The following GRIK5 variants were observed in gnomAD, a reference collection of about 807,000 sequenced individuals.
The protein encoded by GRIK5 is glutamate receptor ionotropic, kainate 5.
In GRIK5, 43 loss-of-function variants were observed where a neutral mutation model predicts 97.4. The ratio of observed to expected loss-of-function variants is 0.44; its 90% confidence interval spans 0.35 to 0.57. The LOEUF (loss-of-function observed/expected upper bound fraction) is 0.57, where lower values mean the gene tolerates loss of function less well. Ranked by LOEUF, GRIK5 falls within the 20% of genes least tolerant of loss-of-function variation. GRIK5 has a pLI of 0.01. For missense variants in GRIK5, 1,015 were observed against 1,382.0 expected, an observed-to-expected ratio of 0.73 and a Z score of 4.21; for synonymous variants, 580 against 583.5, an observed-to-expected ratio of 0.99 and a Z score of 0.09.
chr19:42,056,855 G>T (rs2076193460), intron 7 of GRIK5, 32 bp from the exon 8 acceptor site: 1 of 1,613,626 alleles, frequency 6.2e-7, no homozygotes, highest in Non-Finnish European at 8.5e-7. Flanking sequence ...GAGGCCTGGG[G>T]CTAAGCCCTA....
At chr19:42,019,987 G>GTTT (rs910672486) in intron 15 of GRIK5, among the ~76,000 whole-genome samples, 1 of 137,194 alleles carries the variant, frequency 7.3e-6, no homozygotes, top group Non-Finnish European at 1.6e-5. Context: ...TTTTTTGGGG[G>GTTT]TTTTTTTTTT....
Position 42,062,471 on chromosome 19 carries a change from A to G in GRIK5, c.508+17T>C, listed in dbSNP as rs1289389667. 3 of 1,613,456 alleles carry G rather than the reference A, an allele frequency of 1.9e-6. No individual in the cohort carries two copies. Among genetic ancestry groups the G allele is most frequent in the East Asian group, 2.2e-5 (1 of 44,870 alleles). On this transcript the variant is annotated intron_variant, in intron 5 of 19. Coordinates refer to ENST00000593562, the MANE Select transcript of GRIK5 (RefSeq NM_002088.5). This position sits in a 1 kb window ranked among gnomAD's most constrained non-coding sequence, Gnocchi z 5.3. Reference sequence around the variant, plus strand: ...TGTCTGGGGGAACAGAAAACAAAACATTCAGTTCTCCCTCACACTCAGCCT... The same window carrying G: ...TGTCTGGGGGAACAGAAAACAAAACGTTCAGTTCTCCCTCACACTCAGCCT...
Position 42,056,921 on chromosome 19 carries a change from A to G in GRIK5, c.741+4T>C. The G allele has an allele frequency of 1.3e-6, 2 of 1,593,446 alleles. No individual in the cohort carries two copies. Among genetic ancestry groups the G allele is most frequent in the Non-Finnish European group, 1.7e-6 (2 of 1,169,512 alleles). The stretch of plus-strand genomic sequence containing the variant: ...GGCAGAGATGGGCCAGAGGGCATAC[A>G]CACCATGGTGGTGAGGATGTACTTG... On this transcript the variant is annotated splice_donor_region_variant and intron_variant, in intron 7 of 19. Transcript: ENST00000593562.
rs536939493 is a variant in GRIK5, at chr19:42,062,537, G to A, written c.459C>T (p.Leu153=). 6.2e-7 allele frequency: 1 copy of A among 1,614,170 alleles called. No individual in the cohort carries two copies. Among genetic ancestry groups the A allele is most frequent in the South Asian group, 1.1e-5 (1 of 91,086 alleles). ...EDVSLAVSRI[L]KSFNYPSASL... ...TGGCCGAGGGGTAGTTGAAGGACTTGAGGATTCGGGAGACCGCCAAGCTGA... is the reference window on the plus strand; with the variant it reads ...TGGCCGAGGGGTAGTTGAAGGACTTAAGGATTCGGGAGACCGCCAAGCTGA... Residue 153 remains leucine (L), a synonymous_variant, in exon 5 of 20, where the codon CTC becomes CTT. Coordinates refer to ENST00000593562, the MANE Select transcript of GRIK5 (RefSeq NM_002088.5). The surrounding 1 kb of genome is among the most constrained non-coding windows in gnomAD (Gnocchi z 5.3).
intron 12 of GRIK5, among the ~76,000 whole-genome samples, chr19:42,041,373 G>A (rs189241828): frequency 6.8e-4 from 103 of 152,276 alleles, no homozygotes; most frequent in Non-Finnish European, 1.2e-3. Context: ...CTGCCTCTGG[G>A]CAGTTGTGCC....
At chr19:42,045,140 C>T (rs2076027720) in intron 11 of GRIK5, among the ~76,000 whole-genome samples, 1 of 152,232 alleles carries the variant, frequency 6.6e-6, no homozygotes. Context: ...CACACAATTA[C>T]TGAGCTCCAT....
Position 41,999,157 on chromosome 19 carries a change from C to T in GRIK5, c.2657G>A (p.Ser886Asn). 2 of 1,501,760 alleles carry T rather than the reference C, an allele frequency of 1.3e-6. No homozygotes were observed. Among genetic ancestry groups the T allele is most frequent in the South Asian group, 2.5e-5 (2 of 80,850 alleles). The allele number at this position is 1,501,760 out of a possible 1,614,324, so 93.0% of individuals were successfully genotyped here. The change falls in exon 20 of 20, where the codon AGC becomes AAC. Residue 886 changes from serine to asparagine, a missense_variant. Ser to Asn is a conservative substitution (Grantham distance 46). This residue lies in a region of GRIK5 where 229 missense variants were observed against 341.0 expected (regional missense o/e 0.67). Coordinates refer to ENST00000593562, the MANE Select transcript of GRIK5 (RefSeq NM_002088.5). The surrounding 1 kb of genome is among the most constrained non-coding windows in gnomAD (Gnocchi z 5.0). ...SLRAVREMRL[S>N]NGKLYSAGAG... ...GCCGGCCGAGTAGAGCTTGCCGTTG[C>T]TGAGGCGCATCTCGCGGACCGCGCG...
intron 15 of GRIK5, among the ~76,000 whole-genome samples, chr19:42,019,602 G>A (rs1224067795): frequency 6.6e-6 from 1 of 152,206 alleles, no homozygotes; most frequent in Admixed American, 6.5e-5. Context: ...TTAAGTTAAG[G>A]ATCTGGATAT....
At chr19:42,066,338 GC>G (rs1198256810) in intron 1 of GRIK5, among the ~76,000 whole-genome samples, 1 of 152,100 alleles carries the variant, frequency 6.6e-6, no homozygotes, top group Admixed American at 6.5e-5. Flanking sequence ...GGGGAGAGAG[GC>G]CTGGACATCC....
intron 15 of GRIK5, among the ~76,000 whole-genome samples, chr19:42,020,151 T>A (rs2075679958): frequency 6.6e-6 from 1 of 152,142 alleles, no homozygotes; most frequent in African/African-American, 2.4e-5. Flanking sequence ...AAAAAAGCCA[T>A]CAAGACTCGC....
At position 42,005,699 on chromosome 19, in the gene GRIK5, G is replaced by A. The variant is rs782473871; in HGVS notation, c.2263+24C>T. The A allele has an allele frequency of 4.5e-6, 7 of 1,557,178 alleles. No individual in the cohort carries two copies. In the Admixed American group the frequency reaches 5.1e-5, roughly 11 times the overall value. ...TTTTGGATGCCCACGGCCCTGCTGT[G>A]TTCCACACCGTGCTGTGCCGTACCC... On this transcript the variant is annotated intron_variant, in intron 17 of 19. Coordinates refer to ENST00000593562, the MANE Select transcript of GRIK5 (RefSeq NM_002088.5).
intron 11 of GRIK5, among the ~76,000 whole-genome samples, chr19:42,051,347 G>T (rs777283387): frequency 6.6e-6 from 1 of 152,068 alleles, no homozygotes; most frequent in Non-Finnish European, 1.5e-5. Flanking sequence ...GCGCCAGCCT[G>T]CACCCCATCA....
Position 42,022,419 on chromosome 19 carries a change from G to T in GRIK5, c.1474-65C>A. 6.5e-7 allele frequency: 1 copy of T among 1,532,654 alleles called. No homozygotes were observed. The highest frequency in any genetic ancestry group is 8.9e-7 in the Non-Finnish European group (1 of 1,122,716). The allele number at this position is 1,532,654 out of a possible 1,614,324, so 94.9% of individuals were successfully genotyped here. On this transcript the variant is annotated intron_variant, in intron 12 of 19. Coordinates refer to ENST00000593562, the MANE Select transcript of GRIK5 (RefSeq NM_002088.5). This position sits in a 1 kb window ranked among gnomAD's most constrained non-coding sequence, Gnocchi z 4.2. ...AGGGGAAGACAGAAGTGGACAGTTA[G>T]AGAGAAATGCACGGAGAGTGAGCAA... is the stretch of plus-strand genomic sequence containing the variant.
intron 5 of GRIK5, among the ~76,000 whole-genome samples, chr19:42,059,840 T>C (rs930246777): frequency 1.3e-5 from 2 of 152,230 alleles, no homozygotes; most frequent in Admixed American, 6.5e-5. Context: ...TTCCCCATGT[T>C]GGTGAACAGC....
At chr19:42,047,364 A>AC (rs1157466768) in intron 11 of GRIK5, among the ~76,000 whole-genome samples, 2 of 151,852 alleles carry the variant, frequency 1.3e-5, no homozygotes, top group African/African-American at 2.4e-5. Flanking sequence ...ACATAGGAAG[A>AC]CCCCGTCTCA....
At chr19:42,024,783 G>A (rs1225526145) in intron 12 of GRIK5, among the ~76,000 whole-genome samples, 1 of 152,180 alleles carries the variant, frequency 6.6e-6, no homozygotes, top group East Asian at 1.9e-4. Flanking sequence ...TACGCCTGAG[G>A]CGCCTGTCCA....
chr19:42,060,849 C>T lies in GRIK5; in HGVS notation c.509-1322G>A, dbSNP rs1490326514. Among the ~76,000 whole-genome samples the T allele has an allele frequency of 2.6e-5, 4 of 152,086 alleles. No homozygotes were observed. In the South Asian group the frequency reaches 6.2e-4, roughly 24 times the overall value. ...CCATTTCATTTAAAGTTGCACCCCACGCCCATACCATTCTTCATAAGTCAT... is the reference window on the plus strand; with the variant it reads ...CCATTTCATTTAAAGTTGCACCCCATGCCCATACCATTCTTCATAAGTCAT... On this transcript the variant is annotated intron_variant, in intron 5 of 19. Transcript: ENST00000593562.
At chr19:42,033,208 C>T (rs910365173) in intron 12 of GRIK5, among the ~76,000 whole-genome samples, 3 of 151,262 alleles carry the variant, frequency 2.0e-5, no homozygotes, top group Non-Finnish European at 2.9e-5. Flanking sequence ...GTCCCAGTTA[C>T]TCAGGAGGCT....
Position 42,002,448 on chromosome 19 carries a change from G to C in GRIK5, c.2514+884C>G, listed in dbSNP as rs782130099. ...TCCTTGAGAAGGCAACCTGGACACG[G>C]GTGGAGGGCACCTTTACTAGCAGCA... On this transcript the variant is annotated intron_variant, in intron 19 of 19. Transcript: ENST00000593562. This position sits in a 1 kb window ranked among gnomAD's most constrained non-coding sequence, Gnocchi z 5.2. The C allele has an allele frequency of 1.8e-4, 129 of 717,570 alleles. No homozygotes were observed. The South Asian group carries it at 1.8e-3, about 10-fold the overall frequency. The allele number at this position is 717,570 out of a possible 1,614,324, so 44.5% of individuals were successfully genotyped here.
Sources: allele counts gnomAD v4.1 joint callset (sites outside exome capture counted in the v4.1 genomes callset), GRCh38; gene constraint gnomAD v4.1.1; regional missense constraint gnomAD v4.1.1; non-coding constraint Gnocchi (gnomAD v3.1); transcripts MANE v1.5; gene names NCBI Gene and HGNC (gene_info 2026-07-23, HGNC 2026-07-21).